Variants in STRN observed in about 807,000 individuals in gnomAD.
The protein encoded by STRN is striatin.
STRN carries 53 observed loss-of-function variants against 96.3 expected under a neutral mutation model. That is an observed-to-expected ratio of 0.55 (90% CI 0.44 to 0.69). The LOEUF is 0.69. STRN is among the 30% of genes least tolerant of loss of function. The probability of loss-of-function intolerance (pLI) is 0.00; values close to 1 mark genes in which losing one functional copy is unlikely to be tolerated. For synonymous variants in STRN, 428 were observed against 355.9 expected (o/e 1.20, Z -2.28); for missense variants, 987 against 963.9 (o/e 1.02, Z -0.32).
At chr2:36,926,251 T>C (rs931589907) in intron 1 of STRN, among the ~76,000 whole-genome samples, 5 of 152,096 alleles carry the variant, frequency 3.3e-5, no homozygotes, top group Non-Finnish European at 5.9e-5. Flanking sequence ...ACATTGACAA[T>C]TGAAATACTA....
At chr2:36,955,018 TAAATTATTCTACTCGAAGAA>T (rs1664849916) in intron 1 of STRN, among the ~76,000 whole-genome samples, 1 of 152,236 alleles carries the variant, frequency 6.6e-6, no homozygotes, top group Admixed American at 6.5e-5. Flanking sequence ...ACCGTTTCAC[TAAATTATTCTACTCGAAGAA>T]AAACTTCAAA....
intron 1 of STRN, among the ~76,000 whole-genome samples, chr2:36,928,353 A>C (rs180891823): frequency 6.6e-6 from 1 of 152,302 alleles, no homozygotes; most frequent in Non-Finnish European, 1.5e-5. Context: ...AAAGGTAAAA[A>C]GAAAAAGAGG....
At chr2:36,960,463 T>C (rs1008354398) in intron 1 of STRN, among the ~76,000 whole-genome samples, 2 of 152,238 alleles carry the variant, frequency 1.3e-5, no homozygotes, top group Non-Finnish European at 2.9e-5. Context: ...CTGAAGATTA[T>C]GCTTTTCTCT....
At chr2:36,874,641 T>C (rs1668852679) in intron 10 of STRN, among the ~76,000 whole-genome samples, 1 of 144,950 alleles carries the variant, frequency 6.9e-6, no homozygotes, top group African/African-American at 2.6e-5. Context: ...TACCATTAAA[T>C]GACCAACAAC....
At chr2:36,917,203 T>C (rs1348301840) in intron 2 of STRN, among the ~76,000 whole-genome samples, 5 of 151,524 alleles carry the variant, frequency 3.3e-5, no homozygotes, top group Non-Finnish European at 5.9e-5. Context: ...AATAGAGCAC[T>C]TACCGTTAGG....
At chr2:36,897,560 C>T (rs1173709952) in intron 6 of STRN, among the ~76,000 whole-genome samples, 5 of 151,560 alleles carry the variant, frequency 3.3e-5, no homozygotes, top group Admixed American at 6.6e-5. Flanking sequence ...CTCAGCCTCC[C>T]GAGTAGCTGG....
intron 10 of STRN, among the ~76,000 whole-genome samples, chr2:36,873,466 G>T (rs1668818261): frequency 6.6e-6 from 1 of 152,100 alleles, no homozygotes; most frequent in Non-Finnish European, 1.5e-5. Context: ...AGGCTGAGAT[G>T]GGAGGAGAGC....
intron 6 of STRN, among the ~76,000 whole-genome samples, chr2:36,899,293 G>A (rs538398494): frequency 6.6e-6 from 1 of 152,254 alleles, no homozygotes; most frequent in African/African-American, 2.4e-5. Context: ...AAGTTGTCCT[G>A]TTCAATGAAT....
At chr2:36,936,625 GA>G (rs1195859732) in intron 1 of STRN, among the ~76,000 whole-genome samples, 6 of 152,266 alleles carry the variant, frequency 3.9e-5, no homozygotes, top group Middle Eastern at 3.4e-3. Context: ...ATACAATGAT[GA>G]AGCCAACAGA....
At chr2:36,916,034 T>C in intron 3 of STRN, 44 bp downstream of exon 3, 1 of 1,523,658 alleles carries the variant, frequency 6.6e-7, no homozygotes, top group Admixed American at 1.7e-5. Flanking sequence ...ATACTAGACA[T>C]TAACTTCTTT....
intron 2 of STRN, among the ~76,000 whole-genome samples, chr2:36,919,329 CTAA>C (rs1281838179): frequency 6.6e-6 from 1 of 152,130 alleles, no homozygotes; most frequent in Non-Finnish European, 1.5e-5. Flanking sequence ...ATTATCTAAT[CTAA>C]TTCGGTCAAA....
rs70946958 is a variant in STRN at position 36,888,639 on chromosome 2, A to ATGTGTGTGTGTG, written c.932-1825_932-1814dup. ...TATATTTCATGGGTTTTTAATTTAT[A>ATGTGTGTGTGTG]TGTGTGTGTGTGTGTGTGTGTGTGT... On this transcript the variant is annotated intron_variant, in intron 7 of 17. Coordinates refer to ENST00000263918, the MANE Select transcript of STRN (RefSeq NM_003162.4). Among the ~76,000 whole-genome samples the ATGTGTGTGTGTG allele has an allele frequency of 3.3e-3, 473 of 145,222 alleles. 1 individual carries two copies. Among genetic ancestry groups the ATGTGTGTGTGTG allele is most frequent in the East Asian group, 5.7e-3 (28 of 4,954 alleles).
At chr2:36,866,717 G>A (rs1475679077) in intron 12 of STRN, among the ~76,000 whole-genome samples, 1 of 152,108 alleles carries the variant, frequency 6.6e-6, no homozygotes, top group Non-Finnish European at 1.5e-5. Context: ...CCTATGTTGG[G>A]TAAATATATA....
rs779972051 is a variant in STRN at position 36,861,159 on chromosome 2, G to T, written c.1642C>A (p.Pro548Thr). ...GLIQGWNTTNPNIDPYDSYDP... is the reference protein window; with the variant it reads ...GLIQGWNTTNTNIDPYDSYDP... ...TAAGAATCATAGGGGTCGATGTTGG[G>T]ATTAGTGGTATTCCAGCCCTGGATC... The change falls in exon 13 of 18, where the codon CCC (proline) becomes ACC (threonine). Residue 548 changes from proline to threonine, a missense_variant. By Grantham distance (38) the Pro-to-Thr change is conservative. Coordinates refer to ENST00000263918, the MANE Select transcript of STRN (RefSeq NM_003162.4). The T allele has an allele frequency of 3.7e-6, 6 of 1,613,792 alleles. No individual in the cohort carries two copies. Among genetic ancestry groups the T allele is most frequent in the Admixed American group, 3.3e-5 (2 of 59,990 alleles).
chr2:36,917,682 G>T (rs1455351857), intron 2 of STRN, among the ~76,000 whole-genome samples: 1 of 152,092 alleles, frequency 6.6e-6, no homozygotes, highest in South Asian at 2.1e-4. Context: ...AGACAGAGAG[G>T]AATTCTAAGA....
intron 12 of STRN, among the ~76,000 whole-genome samples, chr2:36,862,404 C>A (rs762408655): frequency 9.2e-5 from 14 of 152,222 alleles, no homozygotes; most frequent in Admixed American, 3.3e-4. Flanking sequence ...ACAGCCTTGC[C>A]AGCATCTGTT....
chr2:36,873,718 G>A (rs536556536), intron 10 of STRN, among the ~76,000 whole-genome samples: 9 of 152,186 alleles, frequency 5.9e-5, no homozygotes, highest in East Asian at 3.9e-4. Flanking sequence ...GCTGAGGTGC[G>A]TGGATGATGA....
chr2:36,925,238 G>C, intron 1 of STRN, 30 bp from the exon 2 acceptor site: 2 of 1,545,412 alleles, frequency 1.3e-6, no homozygotes, highest in Non-Finnish European at 1.8e-6. Context: ...AAAAAATTCA[G>C]TTTAGACCAA....
intron 3 of STRN, among the ~76,000 whole-genome samples, chr2:36,907,741 C>T (rs1473014270): frequency 1.3e-5 from 2 of 152,120 alleles, no homozygotes; most frequent in Non-Finnish European, 2.9e-5. Context: ...TTCTGTTTCA[C>T]TCCAGAGCCC....
Sources: allele counts gnomAD v4.1 joint callset (sites outside exome capture counted in the v4.1 genomes callset), GRCh38; gene constraint gnomAD v4.1.1; transcripts MANE v1.5; gene names NCBI Gene and HGNC (gene_info 2026-07-23, HGNC 2026-07-21).